HSPA4L: variants seen among roughly 807,000 people sequenced by gnomAD.
HSPA4L encodes heat shock 70 kDa protein 4L.
A neutral mutation model predicts 100.3 loss-of-function variants in HSPA4L; 48 were observed. The ratio of observed to expected loss-of-function variants is 0.48; its 90% CI spans 0.38 to 0.61. The LOEUF is 0.61. HSPA4L is among the 20% of genes least tolerant of loss of function. HSPA4L has a pLI of 0.00. For missense variants in HSPA4L, 886 were observed against 988.6 expected (o/e 0.90, Z 1.39); for synonymous variants, 319 against 328.2 (o/e 0.97, Z 0.30).
At chr4:127,805,834 TCTTTACCCAGTTAAAC>T (rs776211650) in intron 10 of HSPA4L, 41 bp downstream of exon 10, 31 of 1,355,802 alleles carry the variant, frequency 2.3e-5, no homozygotes, top group Non-Finnish European at 2.9e-5. Context: ...TTGTCATAAA[TCTTTACCCAGTTAAAC>T]CTACTTTTCT....
At chr4:127,794,858 A>G (rs1485783431) in intron 2 of HSPA4L, among the ~76,000 whole-genome samples, 2 of 152,124 alleles carry the variant, frequency 1.3e-5, no homozygotes, top group Non-Finnish European at 2.9e-5. Flanking sequence ...TCATGTCATA[A>G]TTGAAGATCA....
chr4:127,809,591 G>A, intron 11 of HSPA4L: 1 of 636,790 alleles, frequency 1.6e-6, no homozygotes, highest in Admixed American at 2.3e-5. Context: ...GATATTTTTT[G>A]TTTGTTAAAG....
upstream of HSPA4L, chr4:127,781,832 G>T (rs920178751): frequency 3.8e-6 from 1 of 261,230 alleles, no homozygotes; most frequent in Admixed American, 5.1e-5. Flanking sequence ...TGGGCCCCTC[G>T]GGGAGGCGAG....
intron 1 of HSPA4L, among the ~76,000 whole-genome samples, chr4:127,786,601 G>A (rs1425380638): frequency 2.0e-5 from 3 of 152,098 alleles, no homozygotes; most frequent in African/African-American, 4.8e-5. Context: ...GAATAGCTAG[G>A]ACTACAGGTG....
At chr4:127,804,615 ACAC>A (rs1733297133) in intron 8 of HSPA4L, among the ~76,000 whole-genome samples, 1 of 115,944 alleles carries the variant, frequency 8.6e-6, no homozygotes, top group Admixed American at 9.3e-5. Flanking sequence ...CAAAACACAC[ACAC>A]ACACACACAC....
chr4:127,827,537 C>T, intron 17 of HSPA4L, 113 bp downstream of exon 17: 1 of 1,220,296 alleles, frequency 8.2e-7, no homozygotes, highest in South Asian at 1.7e-5. Flanking sequence ...TATCAAATTC[C>T]AGAGACTTTG....
intron 1 of HSPA4L, among the ~76,000 whole-genome samples, chr4:127,784,841 T>A (rs997512530): frequency 6.6e-6 from 1 of 152,272 alleles, no homozygotes; most frequent in East Asian, 1.9e-4. Context: ...TACACCACAG[T>A]ATTTAATAAC....
At chr4:127,782,180 C>T (rs868402266), upstream of HSPA4L, 39 of 423,732 alleles carry the variant, frequency 9.2e-5, 2 homozygotes, top group South Asian at 6.5e-4. Context: ...CTTGGGCAGC[C>T]GTTGCCCGAG....
chr4:127,825,592 T>C (rs1193097792), intron 16 of HSPA4L, among the ~76,000 whole-genome samples: 1 of 152,096 alleles, frequency 6.6e-6, no homozygotes, highest in Non-Finnish European at 1.5e-5. Context: ...GGCTTTACCA[T>C]GTCTTCTTGG....
chr4:127,784,777 A>G (rs1732667223), intron 1 of HSPA4L, among the ~76,000 whole-genome samples: 2 of 152,384 alleles, frequency 1.3e-5, no homozygotes, highest in Admixed American at 6.5e-5. Context: ...CATCAATTCA[A>G]CACCGATCAT....
At chr4:127,798,760 T>C (rs763793440) in intron 4 of HSPA4L, 51 bp downstream of exon 4, 167 of 1,530,588 alleles carry the variant, frequency 1.1e-4, no homozygotes, top group South Asian at 2.2e-4. Flanking sequence ...TTACAGTGTA[T>C]TAATGTAATA....
rs991133955 is a variant in HSPA4L at position 127,815,994 on chromosome 4, A to G, written c.1579-2331A>G. Among the ~76,000 whole-genome samples, 3 of 152,228 alleles carry G rather than the reference A, an allele frequency of 2.0e-5. No homozygotes were observed. In the South Asian group the frequency reaches 6.2e-4, roughly 32 times the overall value. ...GGAAGGCCTTCTTTTTCGTTGTTGT[A>G]ACAAATAGAAGAGTGGTTGGTGTAT... On this transcript the variant is annotated intron_variant, in intron 12 of 18. Coordinates refer to ENST00000296464, the MANE Select transcript of HSPA4L (RefSeq NM_014278.4).
rs562997784 is a variant in HSPA4L, at chr4:127,804,104, G to A, written c.985+17G>A. The A allele has an allele frequency of 1.3e-6, 2 of 1,597,402 alleles. No individual in the cohort carries two copies. Among genetic ancestry groups the A allele is most frequent in the East Asian group, 2.2e-5 (1 of 44,780 alleles). Reference sequence around the variant, plus strand: ...AACAAGCTAGTAAGTGGAAATTACTGGACTATCAAAACTGTACCATAATGT... The same window carrying A: ...AACAAGCTAGTAAGTGGAAATTACTAGACTATCAAAACTGTACCATAATGT... On this transcript the variant is annotated intron_variant, in intron 8 of 18. Coordinates refer to ENST00000296464, the MANE Select transcript of HSPA4L (RefSeq NM_014278.4).
intron 16 of HSPA4L, among the ~76,000 whole-genome samples, chr4:127,825,034 G>A (rs960700341): frequency 2.0e-5 from 3 of 152,014 alleles, no homozygotes; most frequent in Admixed American, 2.0e-4. Flanking sequence ...CAGCTACTCT[G>A]GAGGCTGAGG....
intron 16 of HSPA4L, among the ~76,000 whole-genome samples, chr4:127,825,378 G>T (rs951205079): frequency 2.0e-5 from 3 of 152,066 alleles, no homozygotes; most frequent in Non-Finnish European, 2.9e-5. Context: ...GATGCTAAAT[G>T]ATGACATTAA....
At chr4:127,821,196 T>C (rs1178605133) in intron 14 of HSPA4L, among the ~76,000 whole-genome samples, 1 of 152,124 alleles carries the variant, frequency 6.6e-6, no homozygotes, top group Non-Finnish European at 1.5e-5. Context: ...ACCTATATCA[T>C]CTATTCATTA....
At position 127,803,651 on chromosome 4, in the gene HSPA4L, C is replaced by T; in HGVS notation, c.686C>T (p.Pro229Leu). Residue 229 changes from proline to leucine, a missense_variant, in exon 7 of 19, where the codon CCA becomes CTA. Transcript: ENST00000296464. ...KLKVLATTFDPYLGGRNFDEA... is the reference protein window; with the variant it reads ...KLKVLATTFDLYLGGRNFDEA... The stretch of plus-strand genomic sequence containing the variant: ...CAGGTCTTGGCTACTACCTTTGATC[C>T]ATATTTGGGTGGCAGGAACTTTGAT... 1 of 1,612,836 alleles carries T rather than the reference C, an allele frequency of 6.2e-7. No homozygotes were observed. The highest frequency in any genetic ancestry group is 1.1e-5 in the South Asian group (1 of 90,882).
intron 10 of HSPA4L, among the ~76,000 whole-genome samples, chr4:127,807,335 A>G (rs1578705029): frequency 6.6e-6 from 1 of 152,186 alleles, no homozygotes; most frequent in African/African-American, 2.4e-5. Flanking sequence ...AAAATGCTGC[A>G]AAGGACATTG....
At chr4:127,783,874 G>T (rs543977403) in intron 1 of HSPA4L, among the ~76,000 whole-genome samples, 1 of 152,328 alleles carries the variant, frequency 6.6e-6, no homozygotes, top group South Asian at 2.1e-4. Context: ...TTTCCAAGAA[G>T]ATTCTAGAAG....
Sources: gnomAD v4.1 joint callset for allele counts (sites outside exome capture counted in the v4.1 genomes callset) on GRCh38, gnomAD v4.1.1 for gene constraint, MANE v1.5 for transcripts, NCBI Gene and HGNC (gene_info 2026-07-23, HGNC 2026-07-21) for gene names.